The following PIK3C2G variants were observed in gnomAD, a reference collection of about 807,000 sequenced individuals.
The protein encoded by PIK3C2G is phosphatidylinositol-4-phosphate 3-kinase catalytic subunit type 2 gamma.
A neutral mutation model predicts 181.1 loss-of-function variants in PIK3C2G; 168 were observed. The observed-to-expected ratio is 0.93, with a 90% confidence interval of 0.82 to 1.05. The LOEUF is 1.05. PIK3C2G is among the 50% of genes least tolerant of loss of function. The probability of loss-of-function intolerance (pLI) is 0.00; values close to 1 mark genes in which losing one functional copy is unlikely to be tolerated. For synonymous variants in PIK3C2G, 573 were observed against 592.2 expected, an observed-to-expected ratio of 0.97 and a Z score of 0.47; for missense variants, 1,869 against 1,732.8, an observed-to-expected ratio of 1.08 and a Z score of -1.40.
intron 24 of PIK3C2G, among the ~76,000 whole-genome samples, chr12:18,510,440 G>T (rs1857542572): frequency 6.6e-6 from 1 of 152,100 alleles, no homozygotes; most frequent in South Asian, 2.1e-4. Context: ...ATAATTTCTT[G>T]ATAATTACAT....
chr12:18,627,040 C>T (rs892242189), intron 31 of PIK3C2G, among the ~76,000 whole-genome samples: 1 of 151,784 alleles, frequency 6.6e-6, no homozygotes, highest in Non-Finnish European at 1.5e-5. Context: ...GGTGTACCAA[C>T]ATTCCCATAA....
chr12:18,479,429 G>T (rs1040346434), intron 18 of PIK3C2G, among the ~76,000 whole-genome samples: 2 of 152,034 alleles, frequency 1.3e-5, no homozygotes, highest in African/African-American at 2.4e-5. Context: ...CAGTCCACTG[G>T]GTGGATGACT....
chr12:18,539,803 C>A (rs1944055024), intron 25 of PIK3C2G, among the ~76,000 whole-genome samples: 1 of 151,866 alleles, frequency 6.6e-6, no homozygotes, highest in African/African-American at 2.4e-5. Context: ...ATAAACATGT[C>A]CTTCATATGC....
chr12:18,319,326 T>C (rs911455942), intron 6 of PIK3C2G, among the ~76,000 whole-genome samples: 5 of 152,106 alleles, frequency 3.3e-5, no homozygotes, highest in Non-Finnish European at 7.4e-5. Context: ...GATTTTTGTA[T>C]GAGAAAAAAA....
intron 29 of PIK3C2G, among the ~76,000 whole-genome samples, chr12:18,585,731 A>T (rs190554758): frequency 2.0e-5 from 3 of 152,314 alleles, no homozygotes; most frequent in Non-Finnish European, 2.9e-5. Context: ...CCACCCAAAA[A>T]CAACAGAACA....
intron 24 of PIK3C2G, among the ~76,000 whole-genome samples, chr12:18,523,708 T>C (rs748388876): frequency 6.6e-6 from 1 of 152,170 alleles, no homozygotes; most frequent in African/African-American, 2.4e-5. Flanking sequence ...ATGGCCAGAG[T>C]TGGGCAGGGC....
chr12:18,264,236 G>A (rs901986637), intron 1 of PIK3C2G, among the ~76,000 whole-genome samples: 10 of 152,076 alleles, frequency 6.6e-5, no homozygotes, highest in African/African-American at 2.4e-4. Flanking sequence ...AACTTACATA[G>A]TATTATAGTC....
At chr12:18,404,697 A>T (rs747474080) in intron 16 of PIK3C2G, among the ~76,000 whole-genome samples, 1 of 152,162 alleles carries the variant, frequency 6.6e-6, no homozygotes, top group Admixed American at 6.6e-5. Flanking sequence ...AGAGAATTGT[A>T]TCAGGAAACA....
chr12:18,608,407 G>A (rs1948164114), intron 30 of PIK3C2G, among the ~76,000 whole-genome samples: 1 of 152,052 alleles, frequency 6.6e-6, no homozygotes, highest in South Asian at 2.1e-4. Context: ...ATCCTTTGTA[G>A]GGACATGGAT....
At chr12:18,464,557 A>G (rs1266478652) in intron 18 of PIK3C2G, among the ~76,000 whole-genome samples, 4 of 152,140 alleles carry the variant, frequency 2.6e-5, no homozygotes, top group Admixed American at 2.0e-4. Flanking sequence ...TGCCAATCAT[A>G]TTCATTTAAT....
chr12:18,643,111 CTT>C (rs1949925800), intron 32 of PIK3C2G, among the ~76,000 whole-genome samples: 1 of 151,882 alleles, frequency 6.6e-6, no homozygotes, highest in African/African-American at 2.4e-5. Flanking sequence ...TTTAAATAAA[CTT>C]GTGTTTTATT....
chr12:18,466,330 G>A (rs1351939734), intron 18 of PIK3C2G, among the ~76,000 whole-genome samples: 3 of 151,178 alleles, frequency 2.0e-5, no homozygotes, highest in Non-Finnish European at 3.0e-5. Context: ...TTCTTATTTT[G>A]TTGCTACTGA....
chr12:18,509,610 A>G (rs1001341231), intron 24 of PIK3C2G, among the ~76,000 whole-genome samples: 1 of 152,200 alleles, frequency 6.6e-6, no homozygotes, highest in Non-Finnish European at 1.5e-5. Context: ...ATCTATGCTC[A>G]GGTGTCCCTG....
the PIK3C2G span, chr12:18,701,491 A>G: frequency 6.2e-7 from 1 of 1,614,058 alleles, no homozygotes; most frequent in African/African-American, 1.3e-5. Flanking sequence ...TTCACAAAAC[A>G]CCACCTCACC....
chr12:18,602,849 C>T (rs1947809813), intron 30 of PIK3C2G, among the ~76,000 whole-genome samples: 1 of 152,132 alleles, frequency 6.6e-6, no homozygotes, highest in Admixed American at 6.6e-5. Context: ...AGGAACACCC[C>T]ATGGGACAAA....
At chr12:18,325,632 C>T (rs1351226430) in intron 8 of PIK3C2G, among the ~76,000 whole-genome samples, 5 of 146,978 alleles carry the variant, frequency 3.4e-5, no homozygotes, top group African/African-American at 1.0e-4. Flanking sequence ...AGCTTGAACC[C>T]GGGAGGTGGA....
intron 31 of PIK3C2G, among the ~76,000 whole-genome samples, chr12:18,636,812 C>T (rs1949623853): frequency 6.6e-6 from 1 of 152,124 alleles, no homozygotes; most frequent in Non-Finnish European, 1.5e-5. Flanking sequence ...CTGAAATCCC[C>T]CCAGTGACAT....
At chr12:18,333,506 A>C (rs1938195132) in intron 8 of PIK3C2G, among the ~76,000 whole-genome samples, 1 of 151,944 alleles carries the variant, frequency 6.6e-6, no homozygotes, top group Non-Finnish European at 1.5e-5. Context: ...CCCGTTGTTC[A>C]ACTCCCACTT....
intron 24 of PIK3C2G, among the ~76,000 whole-genome samples, chr12:18,513,303 A>T (rs1942330563): frequency 1.3e-5 from 2 of 151,490 alleles, no homozygotes; most frequent in African/African-American, 4.8e-5. Flanking sequence ...AGATAATGCT[A>T]GTCTTATAAA....
Sources: allele counts gnomAD v4.1 joint callset (sites outside exome capture counted in the v4.1 genomes callset), GRCh38; gene constraint gnomAD v4.1.1; transcripts MANE v1.5; gene names NCBI Gene and HGNC (gene_info 2026-07-23, HGNC 2026-07-21).